Variants in MCF2L observed in about 807,000 individuals in gnomAD.
MCF2L encodes guanine nucleotide exchange factor DBS.
MCF2L carries 97 observed loss-of-function variants against 153.4 expected under a neutral mutation model. The ratio of observed to expected loss-of-function variants is 0.63; its 90% CI spans 0.54 to 0.75. The LOEUF is 0.75. Ranked by LOEUF, MCF2L falls within the 30% of genes least tolerant of loss-of-function variation. The probability of loss-of-function intolerance (pLI) is 0.00; values close to 1 mark genes in which losing one functional copy is unlikely to be tolerated. For synonymous variants in MCF2L, 659 were observed against 632.2 expected (o/e 1.04, Z -0.64); for missense variants, 1,347 against 1,495.2 (o/e 0.90, Z 1.64).
chr13:113,037,675 A>G (rs1218116259), intron 3 of MCF2L, among the ~76,000 whole-genome samples: 1 of 152,210 alleles, frequency 6.6e-6, no homozygotes, highest in Non-Finnish European at 1.5e-5. Context: ...GAGGCTGCAG[A>G]GGCAGCCAGG....
chr13:112,920,034 T>A (rs2081336744), intron 2 of MCF2L, among the ~76,000 whole-genome samples: 1 of 152,190 alleles, frequency 6.6e-6, no homozygotes, highest in South Asian at 2.1e-4. Flanking sequence ...CTGTTAGGTT[T>A]CCTTTATCTC....
intron 8 of MCF2L, among the ~76,000 whole-genome samples, chr13:113,069,322 A>T (rs9604017): frequency 4.5e-5 from 1 of 22,260 alleles, no homozygotes; most frequent in Admixed American, 5.1e-4. Context: ...CCAGCTACGC[A>T]GAGGCAGAGG....
At position 113,053,789 on chromosome 13, in the gene MCF2L, CTG is replaced by C. The variant is rs2087535668; in HGVS notation, c.370-6800_370-6799del. 6.6e-6 allele frequency among the ~76,000 whole-genome samples: 1 copy of C among 152,190 alleles called. No homozygotes were observed. The highest frequency in any genetic ancestry group is 2.1e-4 in the South Asian group (1 of 4,834). The stretch of plus-strand genomic sequence containing the variant: ...TCTGTCTCCTCCTGTGTCCCTGCAG[CTG>C]TGTCTCCAGTGATCTTGCCTGTACT... On this transcript the variant is annotated intron_variant, in intron 4 of 29. Coordinates refer to ENST00000535094, the MANE Select transcript of MCF2L (RefSeq NM_001112732.3). The surrounding 1 kb of genome is among the most constrained non-coding windows in gnomAD (Gnocchi z 4.4).
At chr13:112,966,087 C>A (rs1378588375), upstream of MCF2L, 1 of 152,196 alleles carries the variant, frequency 6.6e-6, no homozygotes, top group Non-Finnish European at 1.5e-5. The surrounding 1 kb of genome is among the most constrained non-coding windows in gnomAD (Gnocchi z 4.1). Context: ...TCTGTAAAGA[C>A]CAATAGTTTA....
intron 1 of MCF2L, among the ~76,000 whole-genome samples, chr13:113,006,699 G>A (rs1315214405): frequency 1.3e-5 from 2 of 152,212 alleles, no homozygotes; most frequent in East Asian, 1.9e-4. Context: ...AGACACTAAG[G>A]TGTTGAAGAC....
chr13:112,990,441 C>T (rs537593935), intron 1 of MCF2L, among the ~76,000 whole-genome samples: 30 of 152,230 alleles, frequency 2.0e-4, no homozygotes, highest in Admixed American at 3.3e-4. Context: ...ATCCCACATA[C>T]GGTGCCTTGA....
chr13:113,026,005 T>TCCC (rs1566758542), intron 3 of MCF2L, among the ~76,000 whole-genome samples: 2 of 70,496 alleles, frequency 2.8e-5, no homozygotes, highest in African/African-American at 1.0e-4. Flanking sequence ...CCGTGAGGTT[T>TCCC]CATCATGGTG....
At position 113,074,358 on chromosome 13, in the gene MCF2L, A is replaced by G. The variant is rs909756577; in HGVS notation, c.997-86A>G. On this transcript the variant is annotated intron_variant, in intron 9 of 29. Transcript: ENST00000535094. This position sits in a 1 kb window ranked among gnomAD's most constrained non-coding sequence, Gnocchi z 4.2. The stretch of plus-strand genomic sequence containing the variant: ...ACTTGGCCCGACTTTGAATTCTGTC[A>G]TTTCCCTGATCTGGAGCACTGGAGT... 28 of 1,532,144 alleles carry G rather than the reference A, an allele frequency of 1.8e-5. No homozygotes were observed. Among genetic ancestry groups the G allele is most frequent in the Non-Finnish European group, 2.4e-5 (27 of 1,115,610 alleles). 94.9% of individuals were successfully genotyped at this position (1,532,144 alleles called of 1,614,324 possible).
intron 2 of MCF2L, chr13:112,917,034 TTC>T: frequency 2.1e-6 from 1 of 469,838 alleles, no homozygotes. Context: ...CAAGTCTGAG[TTC>T]TCCCCGGATT....
chr13:113,001,856 C>T (rs2083394082), intron 1 of MCF2L: 1 of 1,541,400 alleles, frequency 6.5e-7, no homozygotes, highest in East Asian at 2.4e-5. Context: ...CTTTGTGTGC[C>T]CGGGAAGGGC....
intron 1 of MCF2L, among the ~76,000 whole-genome samples, chr13:113,014,483 C>A (rs1262670622): frequency 6.6e-6 from 1 of 152,132 alleles, no homozygotes; most frequent in Admixed American, 6.5e-5. Context: ...CTGCCCAGGT[C>A]TCTCTCTTTG....
chr13:113,079,226 G>A (rs1260194448), intron 15 of MCF2L, among the ~76,000 whole-genome samples: 3 of 152,226 alleles, frequency 2.0e-5, no homozygotes, highest in South Asian at 2.1e-4. Flanking sequence ...CTCAGGGAGT[G>A]TTGTGCAAAC....
intron 2 of MCF2L, among the ~76,000 whole-genome samples, chr13:112,961,967 C>G (rs1255813007): frequency 2.0e-5 from 3 of 152,210 alleles, no homozygotes; most frequent in Non-Finnish European, 4.4e-5. Flanking sequence ...CTCCGTTGCA[C>G]AGCGAGGGGA....
chr13:113,033,109 G>A (rs1458706203), intron 3 of MCF2L, among the ~76,000 whole-genome samples: 46 of 127,940 alleles, frequency 3.6e-4, no homozygotes, highest in Admixed American at 8.2e-4. Context: ...CTGCCATGAC[G>A]TGAGTGGCCC....
At chr13:112,975,045 G>A (rs2082169407) in intron 1 of MCF2L, among the ~76,000 whole-genome samples, 1 of 152,204 alleles carries the variant, frequency 6.6e-6, no homozygotes, top group African/African-American at 2.4e-5. Context: ...GAGTTGGAAG[G>A]ATACCACTGT....
intron 27 of MCF2L, chr13:113,096,051 G>C (rs1262536273): frequency 2.1e-6 from 1 of 481,878 alleles, no homozygotes; most frequent in African/African-American, 2.0e-5. Context: ...AATAAGACCT[G>C]AAAGCACGGA....
intron 1 of MCF2L, among the ~76,000 whole-genome samples, chr13:112,900,926 G>T (rs1442050572): frequency 6.6e-6 from 1 of 150,666 alleles, no homozygotes; most frequent in Non-Finnish European, 1.5e-5. Flanking sequence ...GGGATGGGAT[G>T]GGGTTTAGCT....
At chr13:113,040,693 GC>G in intron 3 of MCF2L, 1 of 152,500 alleles carries the variant, frequency 6.6e-6, no homozygotes. Context: ...CATCCTCCTC[GC>G]CCCCACCATG....
At chr13:112,912,018 A>T (rs538582092) in intron 2 of MCF2L, among the ~76,000 whole-genome samples, 26 of 152,278 alleles carry the variant, frequency 1.7e-4, no homozygotes, top group Admixed American at 3.3e-4. Flanking sequence ...AGTAAGTTCT[A>T]CCCCACCCTC....
Sources: allele counts gnomAD v4.1 joint callset (sites outside exome capture counted in the v4.1 genomes callset), GRCh38; gene constraint gnomAD v4.1.1; non-coding constraint Gnocchi (gnomAD v3.1); transcripts MANE v1.5; gene names NCBI Gene and HGNC (gene_info 2026-07-23, HGNC 2026-07-21).